HERC6: variants seen among roughly 807,000 people sequenced by gnomAD.
HERC6 encodes the protein probable E3 ubiquitin-protein ligase HERC6.
A neutral mutation model predicts 114.5 loss-of-function variants in HERC6; 101 were observed. The observed-to-expected ratio is 0.88, with a 90% CI of 0.75 to 1.04. The LOEUF (loss-of-function observed/expected upper bound fraction) is 1.04. Among genes scored for constraint, HERC6 ranks in the 50% least tolerant of loss-of-function variants. The pLI is 0.00. For synonymous variants in HERC6, 408 were observed against 436.2 expected, an observed-to-expected ratio of 0.94 and a Z score of 0.81; for missense variants, 1,133 against 1,230.9, an observed-to-expected ratio of 0.92 and a Z score of 1.19.
At chr4:88,436,881 T>G (rs773863079) in intron 18 of HERC6, 24 bp from the exon 19 acceptor site, 80 of 1,567,666 alleles carry the variant, frequency 5.1e-5, no homozygotes, top group Non-Finnish European at 6.7e-5. Flanking sequence ...TAAATATAAT[T>G]TTTAAAACCA....
At chr4:88,416,358 TTC>T (rs1324265447) in intron 12 of HERC6, among the ~76,000 whole-genome samples, 6 of 152,210 alleles carry the variant, frequency 3.9e-5, no homozygotes. Context: ...GTTAGTATTT[TTC>T]TGTTTTATTT....
At chr4:88,424,396 C>T (rs1337980225) in intron 14 of HERC6, among the ~76,000 whole-genome samples, 199 bp from the exon 15 acceptor site, 1 of 152,104 alleles carries the variant, frequency 6.6e-6, no homozygotes, top group East Asian at 1.9e-4. Context: ...GGGAGGATCA[C>T]TTGAGCCCAG....
intron 1 of HERC6, among the ~76,000 whole-genome samples, chr4:88,380,949 A>G (rs11097187): frequency 0.03 from 4,576 of 151,992 alleles, 103 homozygotes; most frequent in Middle Eastern, 0.078. Context: ...AACTCTGTAC[A>G]TTGTGTTTTC....
intron 1 of HERC6, among the ~76,000 whole-genome samples, chr4:88,382,885 A>C (rs1734389721): frequency 6.6e-6 from 1 of 152,148 alleles, no homozygotes; most frequent in South Asian, 2.1e-4. Flanking sequence ...CTGATTGGTT[A>C]ACCTTAAGTT....
At chr4:88,395,688 T>C (rs1029577871) in intron 5 of HERC6, among the ~76,000 whole-genome samples, 2 of 152,078 alleles carry the variant, frequency 1.3e-5, no homozygotes, top group African/African-American at 4.8e-5. Context: ...CTAATGATTT[T>C]TTTTTTTTAA....
At chr4:88,382,662 T>C (rs1404511160) in intron 1 of HERC6, among the ~76,000 whole-genome samples, 2 of 152,174 alleles carry the variant, frequency 1.3e-5, no homozygotes, top group Non-Finnish European at 2.9e-5. Flanking sequence ...AATTTGAACA[T>C]TCAGCAGTTC....
intron 13 of HERC6, among the ~76,000 whole-genome samples, chr4:88,422,153 G>A (rs1737132051): frequency 6.6e-6 from 1 of 151,968 alleles, no homozygotes; most frequent in African/African-American, 2.4e-5. Flanking sequence ...AACTGTCTTT[G>A]ATGTATAGAA....
In HERC6 at chr4:88,436,408, G is replaced by A. The variant is rs144778878; in HGVS notation, c.2418-497G>A. On this transcript the variant is annotated intron_variant, in intron 18 of 22. Transcript: ENST00000264346. Reference sequence around the variant, plus strand: ...CTCTCTTCTCGTGTACTGTTAGTGTGAGAATATATTGGCTAGATGTGTGCT... The same window carrying A: ...CTCTCTTCTCGTGTACTGTTAGTGTAAGAATATATTGGCTAGATGTGTGCT... Among the ~76,000 whole-genome samples, 1,188 of 152,326 alleles carry A rather than the reference G, an allele frequency of 7.8e-3. 15 individuals are homozygous for A. The highest frequency in any genetic ancestry group is 0.026 in the African/African-American group (1,097 of 41,584).
chr4:88,432,612 C>T (rs1738343313), intron 17 of HERC6, among the ~76,000 whole-genome samples: 1 of 151,734 alleles, frequency 6.6e-6, no homozygotes, highest in African/African-American at 2.4e-5. Flanking sequence ...GCCTGTAATC[C>T]CAGCTACTTG....
chr4:88,409,438 G>A (rs1387410259), intron 11 of HERC6, among the ~76,000 whole-genome samples: 1 of 152,152 alleles, frequency 6.6e-6, no homozygotes, highest in Non-Finnish European at 1.5e-5. Flanking sequence ...GGGGGCTAGT[G>A]TTCATTATGA....
At chr4:88,379,751 CAT>C (rs1340017884) in intron 1 of HERC6, among the ~76,000 whole-genome samples, 2 of 18,532 alleles carry the variant, frequency 1.1e-4, no homozygotes, top group African/African-American at 8.7e-4. Context: ...AAATATATAA[CAT>C]ATAAATATAT....
intron 20 of HERC6, 33 bp downstream of exon 20, chr4:88,437,814 A>G (rs1738910912): frequency 3.0e-6 from 4 of 1,330,940 alleles, no homozygotes; most frequent in African/African-American, 1.4e-5. Flanking sequence ...TCTGTTTTGA[A>G]TATACTGTAC....
At chr4:88,392,623 G>A (rs1192014498) in intron 4 of HERC6, among the ~76,000 whole-genome samples, 1 of 152,192 alleles carries the variant, frequency 6.6e-6, no homozygotes, top group Non-Finnish European at 1.5e-5. Flanking sequence ...TGGGTGGCCT[G>A]GGGGCATGAA....
chr4:88,440,381 TG>T lies in HERC6; in HGVS notation c.2842+133del. ...CCCAAGGTTCTTTGTCTCACAGCCA[TG>T]GAGATCAAGGACATGGACACACACA... is the stretch of plus-strand genomic sequence containing the variant. On this transcript the variant is annotated intron_variant, in intron 22 of 22. Coordinates refer to ENST00000264346, the MANE Select transcript of HERC6 (RefSeq NM_017912.4). 3 of 628,120 alleles carry T rather than the reference TG, an allele frequency of 4.8e-6. No individual in the cohort carries two copies. The East Asian group carries it at 8.2e-5, about 17-fold the overall frequency. The allele number at this position is 628,120 out of a possible 1,614,324, so 38.9% of individuals were successfully genotyped here. A position where few individuals can be genotyped will look rare whatever the true frequency, so the allele number is the denominator to read the frequency against.
chr4:88,407,379 C>T (rs1735864614), intron 10 of HERC6, among the ~76,000 whole-genome samples: 1 of 151,874 alleles, frequency 6.6e-6, no homozygotes, highest in South Asian at 2.1e-4. Flanking sequence ...CTATGCTCGG[C>T]ATTTTGTTTG....
chr4:88,427,380 A>AACCCATGGAACTCAG lies in HERC6; in HGVS notation c.1936-1188_1936-1174dup, dbSNP rs531367808. Among the ~76,000 whole-genome samples the AACCCATGGAACTCAG allele has an allele frequency of 2.1e-3, 323 of 152,276 alleles. 2 individuals are homozygous for AACCCATGGAACTCAG. The highest frequency in any genetic ancestry group is 3.6e-3 in the Non-Finnish European group (243 of 68,006). On this transcript the variant is annotated intron_variant, in intron 15 of 22. Coordinates refer to ENST00000264346, the MANE Select transcript of HERC6 (RefSeq NM_017912.4). ...TCAGTGGAGGACATTGCTGGCCACAAACCCATGGAACTCAGACCCATGGAA... is the reference window on the plus strand; with the variant it reads ...TCAGTGGAGGACATTGCTGGCCACAAACCCATGGAACTCAGACCCATGGAACTCAGACCCATGGAA...
chr4:88,431,719 T>C (rs999639329), intron 17 of HERC6, among the ~76,000 whole-genome samples: 1 of 152,180 alleles, frequency 6.6e-6, no homozygotes, highest in African/African-American at 2.4e-5. Flanking sequence ...TAGCTGAGAC[T>C]ACAGGCGTAT....
At chr4:88,421,192 T>C (rs1287833102) in intron 13 of HERC6, among the ~76,000 whole-genome samples, 1 of 152,228 alleles carries the variant, frequency 6.6e-6, no homozygotes, top group African/African-American at 2.4e-5. Flanking sequence ...CCTTCCTCAA[T>C]TGATGGATAT....
chr4:88,401,975 G>C (rs75141432), intron 8 of HERC6, among the ~76,000 whole-genome samples: 8,372 of 152,266 alleles, frequency 0.055, 315 homozygotes, highest in Admixed American at 0.13. Flanking sequence ...ATGGAACTTT[G>C]CTAGGTAAGT....
Sources: gnomAD v4.1 joint callset for allele counts (sites outside exome capture counted in the v4.1 genomes callset) on GRCh38, gnomAD v4.1.1 for gene constraint, MANE v1.5 for transcripts, NCBI Gene and HGNC (gene_info 2026-07-23, HGNC 2026-07-21) for gene names.